ASIC2: variants seen among roughly 807,000 people sequenced by gnomAD.
ASIC2 encodes the protein acid sensing ion channel subunit 2.
ASIC2 carries 25 observed loss-of-function variants against 57.3 expected under a neutral mutation model. That is an observed-to-expected ratio of 0.44 (90% CI 0.32 to 0.61). The LOEUF (loss-of-function observed/expected upper bound fraction) is 0.61, where lower values mean the gene tolerates loss of function less well. Among genes scored for constraint, ASIC2 ranks in the 20% least tolerant of loss-of-function variants. The pLI is 0.06. For missense variants in ASIC2, 641 were observed against 738.1 expected, an observed-to-expected ratio of 0.87 and a Z score of 1.52; for synonymous variants, 319 against 307.5, an observed-to-expected ratio of 1.04 and a Z score of -0.39.
At chr17:33,598,922 G>A (rs922173045) in intron 1 of ASIC2, among the ~76,000 whole-genome samples, 1 of 152,196 alleles carries the variant, frequency 6.6e-6, no homozygotes, top group Admixed American at 6.5e-5. Flanking sequence ...ACTGCCTATA[G>A]GGTATGCAGG....
At chr17:33,364,388 T>G (rs1171135360) in intron 1 of ASIC2, among the ~76,000 whole-genome samples, 1 of 152,162 alleles carries the variant, frequency 6.6e-6, no homozygotes, top group African/African-American at 2.4e-5. Context: ...AACTTCTGAC[T>G]CCACTAATTT....
intron 2 of ASIC2, among the ~76,000 whole-genome samples, chr17:33,090,429 G>A (rs1423713997): frequency 1.3e-5 from 2 of 152,208 alleles, no homozygotes; most frequent in African/African-American, 4.8e-5. Context: ...AGGCACTCAG[G>A]AGATGCCTAA....
intron 1 of ASIC2, among the ~76,000 whole-genome samples, chr17:33,374,416 A>T (rs1360051618): frequency 6.6e-6 from 1 of 152,060 alleles, no homozygotes; most frequent in Non-Finnish European, 1.5e-5. Context: ...GTGCACGAGG[A>T]TGGTTTTCCA....
At chr17:33,524,715 C>T (rs995932845) in intron 1 of ASIC2, among the ~76,000 whole-genome samples, 18 of 152,116 alleles carry the variant, frequency 1.2e-4, no homozygotes, top group African/African-American at 4.3e-4. Flanking sequence ...CCTCCATCCA[C>T]TCACCTGCCT....
intron 1 of ASIC2, among the ~76,000 whole-genome samples, chr17:34,032,676 A>G (rs1445372693): frequency 6.6e-6 from 1 of 152,240 alleles, no homozygotes; most frequent in Non-Finnish European, 1.5e-5. Flanking sequence ...AGATCTACCA[A>G]GCAAATGGAA....
At chr17:33,272,158 G>A (rs987550525) in intron 1 of ASIC2, among the ~76,000 whole-genome samples, 8 of 152,166 alleles carry the variant, frequency 5.3e-5, no homozygotes, top group African/African-American at 1.7e-4. Context: ...ATGAGCTAAT[G>A]AGCTAAAGCA....
intron 1 of ASIC2, among the ~76,000 whole-genome samples, chr17:33,214,894 A>C (rs930358702): frequency 6.6e-6 from 1 of 152,234 alleles, no homozygotes; most frequent in Non-Finnish European, 1.5e-5. Flanking sequence ...TTCTAATTGC[A>C]CAGACCAGAG....
At chr17:33,621,449 T>C (rs1905794154) in intron 1 of ASIC2, among the ~76,000 whole-genome samples, 1 of 152,174 alleles carries the variant, frequency 6.6e-6, no homozygotes, top group African/African-American at 2.4e-5. Flanking sequence ...GTAAGGTCCA[T>C]TTTAGGAGAA....
At chr17:33,538,058 A>C (rs1482147178) in intron 1 of ASIC2, among the ~76,000 whole-genome samples, 1 of 152,216 alleles carries the variant, frequency 6.6e-6, no homozygotes, top group African/African-American at 2.4e-5. Flanking sequence ...CACTAAAGGA[A>C]TAGAAGATTA....
intron 2 of ASIC2, among the ~76,000 whole-genome samples, chr17:33,092,623 G>A (rs2092161874): frequency 6.6e-6 from 1 of 152,240 alleles, no homozygotes; most frequent in Admixed American, 6.5e-5. Context: ...TCTAGTCCAG[G>A]GAAGGGAAGT....
At chr17:33,609,025 G>T (rs1458517771) in intron 1 of ASIC2, among the ~76,000 whole-genome samples, 1 of 152,088 alleles carries the variant, frequency 6.6e-6, no homozygotes, top group East Asian at 1.9e-4. Context: ...AGGAGGTGGG[G>T]GCACATCAGG....
chr17:33,397,291 A>G (rs757774275), intron 1 of ASIC2, among the ~76,000 whole-genome samples: 2 of 152,194 alleles, frequency 1.3e-5, no homozygotes, highest in African/African-American at 2.4e-5. Flanking sequence ...CTCCACCCTT[A>G]GTTCTCACCT....
chr17:33,566,152 T>A (rs2093485386), intron 1 of ASIC2, among the ~76,000 whole-genome samples: 1 of 152,232 alleles, frequency 6.6e-6, no homozygotes, highest in Non-Finnish European at 1.5e-5. Flanking sequence ...GGAGGGCTTA[T>A]ACATGAAGGG....
chr17:33,702,871 G>C, intron 1 of ASIC2, among the ~76,000 whole-genome samples: 1 of 152,140 alleles, frequency 6.6e-6, no homozygotes, highest in East Asian at 1.9e-4. Context: ...TATGCCAGGC[G>C]ATGTACCAGG....
At chr17:33,310,830 T>C (rs535949533) in intron 1 of ASIC2, among the ~76,000 whole-genome samples, 2 of 152,298 alleles carry the variant, frequency 1.3e-5, no homozygotes, top group South Asian at 4.1e-4. Flanking sequence ...TAGATATAGG[T>C]AAGAGATAGA....
At chr17:33,809,923 C>T (rs1912371966) in intron 1 of ASIC2, among the ~76,000 whole-genome samples, 1 of 152,338 alleles carries the variant, frequency 6.6e-6, no homozygotes, top group South Asian at 2.1e-4. Flanking sequence ...CTCATATCCA[C>T]CTGGAAACTG....
intron 2 of ASIC2, chr17:33,100,296 C>G (rs1271778704): frequency 2.0e-5 from 3 of 152,334 alleles, no homozygotes; most frequent in African/African-American, 7.2e-5. Flanking sequence ...TCCTTAGATA[C>G]AGATGCCCTT....
intron 1 of ASIC2, among the ~76,000 whole-genome samples, chr17:33,486,942 C>G (rs1023045714): frequency 2.0e-5 from 3 of 152,196 alleles, no homozygotes; most frequent in African/African-American, 7.2e-5. Flanking sequence ...AGCACCCAAC[C>G]ACAGCCCAGT....
chr17:33,822,341 CT>C (rs1235196014), intron 1 of ASIC2, among the ~76,000 whole-genome samples: 1 of 152,158 alleles, frequency 6.6e-6, no homozygotes, highest in Non-Finnish European at 1.5e-5. Flanking sequence ...GGCTTGTTTC[CT>C]TGCCTCTGTG....
Sources: gnomAD v4.1 joint callset for allele counts (sites outside exome capture counted in the v4.1 genomes callset) on GRCh38, gnomAD v4.1.1 for gene constraint, MANE v1.5 for transcripts, NCBI Gene and HGNC (gene_info 2026-07-23, HGNC 2026-07-21) for gene names.